The following APMAP variants were observed in gnomAD, a reference collection of about 807,000 sequenced individuals.
APMAP encodes the protein adipocyte plasma membrane-associated protein.
In APMAP, 33 loss-of-function variants were observed where a neutral mutation model predicts 43.6. The ratio of observed to expected loss-of-function variants is 0.76; its 90% CI spans 0.57 to 1.01. APMAP has a LOEUF of 1.01. APMAP is among the 50% of genes least tolerant of loss of function. APMAP has a pLI of 0.00. For synonymous variants in APMAP, 224 were observed against 216.7 expected (o/e 1.03, Z -0.30); for missense variants, 498 against 540.7 (o/e 0.92, Z 0.78).
rs1011496933 is a variant in APMAP, at chr20:24,969,057, G to A, written c.876C>T (p.Gly292=). Residue 292 remains glycine, a synonymous_variant, in exon 8 of 9, where the codon GGC becomes GGT. Transcript: ENST00000217456. ...TGTTCTCCACAAACAGATCAGCCCC[G>A]CCCTTCATCAGGCCAGAAACGTAGA... ...RRVYVSGLMK[G]GADLFVENMP... is the part of the protein sequence containing the mutation. 18 of 1,609,606 alleles carry A rather than the reference G, an allele frequency of 1.1e-5. No homozygotes were observed. The highest frequency in any genetic ancestry group is 6.7e-5 in the East Asian group (3 of 44,736).
At chr20:24,985,991 A>G (rs2088144265) in intron 1 of APMAP, among the ~76,000 whole-genome samples, 1 of 152,178 alleles carries the variant, frequency 6.6e-6, no homozygotes, top group Non-Finnish European at 1.5e-5. Context: ...CGCGTCCTGC[A>G]GTTATGTGAA....
At chr20:24,986,652 AAC>A (rs1420953743) in intron 1 of APMAP, among the ~76,000 whole-genome samples, 1 of 152,244 alleles carries the variant, frequency 6.6e-6, no homozygotes, top group Non-Finnish European at 1.5e-5. Context: ...AGGAATGGCA[AAC>A]AGTCCAAATG....
chr20:24,971,405 T>C (rs2087998480), intron 5 of APMAP, 55 bp downstream of exon 5: 2 of 1,458,456 alleles, frequency 1.4e-6, no homozygotes. Context: ...CACATACATA[T>C]ATTGTTTAAA....
intron 2 of APMAP, among the ~76,000 whole-genome samples, chr20:24,980,040 G>A (rs1204942598): frequency 6.6e-6 from 1 of 152,202 alleles, no homozygotes; most frequent in East Asian, 1.9e-4. Flanking sequence ...AGCTTCTCAT[G>A]CACTGTGTGA....
Position 24,973,646 on chromosome 20 carries a change from G to A in APMAP, c.420C>T (p.Cys140=). 1.9e-6 allele frequency: 3 copies of A among 1,613,358 alleles called. No individual in the cohort carries two copies. The highest frequency in any genetic ancestry group is 1.7e-6 in the Non-Finnish European group (2 of 1,179,362). The change falls in exon 4 of 9, where the codon TGC becomes TGT. Residue 140 remains cysteine, a splice_region_variant and synonymous_variant. Coordinates refer to ENST00000217456, the MANE Select transcript of APMAP (RefSeq NM_020531.3). The part of the protein sequence containing the change: ...ETIARFGSGP[C]KTRDDEPVCG... The stretch of plus-strand genomic sequence containing the variant: ...ATCGAGGGATTATCACCAACTTACT[G>A]CAAGGGCCCGAACCAAACCGGGCAA...
intron 2 of APMAP, among the ~76,000 whole-genome samples, chr20:24,982,348 G>A (rs113221575): frequency 3.0e-5 from 4 of 131,248 alleles, no homozygotes; most frequent in South Asian, 2.5e-4. Context: ...CTGCCATTCC[G>A]AAAGCTGAGC....
At position 24,969,802 on chromosome 20, in the gene APMAP, G is replaced by C. The variant is rs1172489994; in HGVS notation, c.714-142C>G. The C allele has an allele frequency of 2.5e-6, 3 of 1,202,060 alleles. No individual in the cohort carries two copies. The East Asian group carries it at 7.8e-5, about 31-fold the overall frequency. 74.5% of individuals were successfully genotyped at this position (1,202,060 alleles called of 1,614,324 possible). On this transcript the variant is annotated intron_variant, in intron 6 of 8. Transcript: ENST00000217456. Reference sequence around the variant, plus strand: ...GGTGCCCTGCTCAAACTTGATTCGAGGCTGGCCCCTGGGGGCCCTTCCCCA... The same window carrying C: ...GGTGCCCTGCTCAAACTTGATTCGACGCTGGCCCCTGGGGGCCCTTCCCCA...
At chr20:24,971,884 A>G (rs1235070015) in intron 4 of APMAP, among the ~76,000 whole-genome samples, 3 of 149,312 alleles carry the variant, frequency 2.0e-5, no homozygotes, top group African/African-American at 7.5e-5. Context: ...CAGGGTGTTC[A>G]CTGTGAGGTG....
intron 2 of APMAP, among the ~76,000 whole-genome samples, chr20:24,981,909 G>A (rs1198937656): frequency 3.3e-5 from 5 of 152,232 alleles, no homozygotes; most frequent in Non-Finnish European, 1.5e-5. Flanking sequence ...TGAGAGGGCT[G>A]CAGCTGAGTC....
chr20:24,974,544 G>C (rs900542947), intron 3 of APMAP, among the ~76,000 whole-genome samples: 3 of 152,178 alleles, frequency 2.0e-5, no homozygotes, highest in Non-Finnish European at 4.4e-5. Context: ...AACTGAAAGA[G>C]AGACATTGCC....
At chr20:24,973,386 G>A (rs542252779) in intron 4 of APMAP, among the ~76,000 whole-genome samples, 5 of 152,278 alleles carry the variant, frequency 3.3e-5, no homozygotes, top group East Asian at 1.9e-4. Context: ...GGTGAGGGGC[G>A]AGGCCCATGC....
At position 24,986,609 on chromosome 20, in the gene APMAP, T is replaced by C. The variant is rs371485280; in HGVS notation, c.96-2590A>G. The stretch of plus-strand genomic sequence containing the variant: ...GCAGGCTCATGCAACCTGAGAGGTC[T>C]GCAGCAGGGAAAGGAGTAAGGGCCA... On this transcript the variant is annotated intron_variant, in intron 1 of 8. Coordinates refer to ENST00000217456, the MANE Select transcript of APMAP (RefSeq NM_020531.3). Among the ~76,000 whole-genome samples, 39 of 152,296 alleles carry C rather than the reference T, an allele frequency of 2.6e-4. No individual in the cohort carries two copies. The East Asian group carries it at 6.8e-3, about 26-fold the overall frequency.
Position 24,973,672 on chromosome 20 carries a change from T to C in APMAP, c.394A>G (p.Ile132Val), listed in dbSNP as rs1219106760. Residue 132 changes from isoleucine to valine, a missense_variant, in exon 4 of 9, where the codon ATT (isoleucine) becomes GTT (valine). Physicochemically the swap from Ile to Val is conservative, Grantham distance 29. Coordinates refer to ENST00000217456, the MANE Select transcript of APMAP (RefSeq NM_020531.3). ...VKLENGEIET[I>V]ARFGSGPCKT... is the part of the protein sequence containing the mutation. ...CAAGGGCCCGAACCAAACCGGGCAA[T>C]GGTCTCTATTTCACCATTTTCAAGT... is the stretch of plus-strand genomic sequence containing the variant. 29 of 1,614,148 alleles carry C rather than the reference T, an allele frequency of 1.8e-5. No homozygotes were observed. Among genetic ancestry groups the C allele is most frequent in the Non-Finnish European group, 2.4e-5 (28 of 1,179,982 alleles).
rs756689798 is a variant in APMAP, at chr20:24,963,793, G to C, written c.*20C>G. The stretch of plus-strand genomic sequence containing the variant: ...GTGAAGACTCCTGGCCTGCGTGGCA[G>C]GGGCAGCTATCTGGGAGGGCTAAAC... On this transcript the variant is annotated 3_prime_UTR_variant, in exon 9 of 9. Transcript: ENST00000217456. 2.2e-5 allele frequency: 35 copies of C among 1,611,836 alleles called. No homozygotes were observed. Among genetic ancestry groups the C allele is most frequent in the Middle Eastern group, 1.7e-4 (1 of 6,048 alleles).
intron 2 of APMAP, among the ~76,000 whole-genome samples, chr20:24,983,559 C>G (rs2088122197): frequency 6.6e-6 from 1 of 152,124 alleles, no homozygotes; most frequent in Non-Finnish European, 1.5e-5. Context: ...CAGTTACTTA[C>G]AAAATTTAAA....
chr20:24,979,274 T>C (rs981303481), intron 2 of APMAP, among the ~76,000 whole-genome samples: 1 of 152,074 alleles, frequency 6.6e-6, no homozygotes, highest in African/African-American at 2.4e-5. Context: ...AGTGCCCACG[T>C]TTCACACCTG....
In APMAP at chr20:24,978,864, G is replaced by A. The variant is rs1192457742; in HGVS notation, c.231C>T (p.Leu77=). Residue 77 remains leucine, a synonymous_variant, in exon 3 of 9, where the codon CTC becomes CTT. Coordinates refer to ENST00000217456, the MANE Select transcript of APMAP (RefSeq NM_020531.3). ...TATTTGGATGCAGAACACCAAGCAA[G>A]AGCGGGGGTTCTTTGAAGCTGCAAA... ...PQPLSFKEPP[L]LLGVLHPNTK... is the part of the protein sequence containing the mutation. The A allele has an allele frequency of 5.0e-6, 8 of 1,613,556 alleles. No homozygotes were observed. In the South Asian group the frequency reaches 8.8e-5, roughly 18 times the overall value.
intron 5 of APMAP, among the ~76,000 whole-genome samples, chr20:24,971,060 G>C (rs1311406796): frequency 6.6e-6 from 1 of 152,108 alleles, no homozygotes; most frequent in Non-Finnish European, 1.5e-5. Flanking sequence ...GGAGAGAAGA[G>C]GAGGAACTAC....
chr20:24,964,525 T>C (rs2087927450), intron 8 of APMAP: 1 of 460,442 alleles, frequency 2.2e-6, no homozygotes, highest in South Asian at 1.6e-5. Context: ...CAACATGGCT[T>C]CCAAAACAAA....
Sources: gnomAD v4.1 joint callset for allele counts (sites outside exome capture counted in the v4.1 genomes callset) on GRCh38, gnomAD v4.1.1 for gene constraint, MANE v1.5 for transcripts, NCBI Gene and HGNC (gene_info 2026-07-23, HGNC 2026-07-21) for gene names.